VWF: variants seen among roughly 807,000 people sequenced by gnomAD.
The protein encoded by VWF is von Willebrand factor.
VWF carries 176 observed loss-of-function variants against 308.6 expected under a neutral mutation model. That is an observed-to-expected ratio of 0.57 (90% CI 0.50 to 0.65). The LOEUF (loss-of-function observed/expected upper bound fraction) is 0.65. Ranked by LOEUF, VWF falls within the 30% of genes least tolerant of loss-of-function variation. The pLI is 0.00. For missense variants in VWF, 3,146 were observed against 3,648.2 expected, an observed-to-expected ratio of 0.86 and a Z score of 3.55; for synonymous variants, 1,385 against 1,443.4, an observed-to-expected ratio of 0.96 and a Z score of 0.92.
Position 6,057,894 on chromosome 12 carries a change from G to T in VWF, c.1684C>A (p.Leu562Met), listed in dbSNP as rs1262007640. 1 of 1,612,476 alleles carries T rather than the reference G, an allele frequency of 6.2e-7. No homozygotes were observed. The highest frequency in any genetic ancestry group is 1.7e-5 in the Admixed American group (1 of 59,946). The change falls in exon 14 of 52, where the codon CTG (leucine) becomes ATG (methionine). Residue 562 changes from leucine (L) to methionine (M), a missense_variant. This residue lies in a region of VWF where 1,304 missense variants were observed against 1,353.0 expected (regional missense o/e 0.96). Transcript: ENST00000261405. Reference sequence around the variant, plus strand: ...CAGGGATCGCTGTGCTGCTTCTGCAGGTCCTGGCAGTCCCCGTGCAGCTTC... The same window carrying T: ...CAGGGATCGCTGTGCTGCTTCTGCATGTCCTGGCAGTCCCCGTGCAGCTTC... ...AWKLHGDCQD[L>M]QKQHSDPCAL...
intron 3 of VWF, among the ~76,000 whole-genome samples, chr12:6,119,635 C>T (rs919061222): frequency 6.6e-6 from 1 of 152,170 alleles, no homozygotes; most frequent in Non-Finnish European, 1.5e-5. Flanking sequence ...CACCTGAGGT[C>T]AGGAGTTCGA....
intron 16 of VWF, among the ~76,000 whole-genome samples, chr12:6,050,540 C>T (rs1944496898): frequency 6.6e-6 from 1 of 152,216 alleles, no homozygotes; most frequent in Non-Finnish European, 1.5e-5. Context: ...ACCCCTGAAC[C>T]TCATCCCAAC....
rs752384122 is a variant in VWF at position 6,018,758 on chromosome 12, C to T, written c.4660G>A (p.Glu1554Lys). 11 of 1,613,452 alleles carry T rather than the reference C, an allele frequency of 6.8e-6. No individual in the cohort carries two copies. The highest frequency in any genetic ancestry group is 5.3e-5 in the African/African-American group (4 of 74,876). ...YMVTVEYPFS[E>K]AQSKGDILQR... is the part of the protein sequence containing the mutation. ...AGGATGTCCCCTTTGGACTGTGCCT[C>T]GCTGAAGGGGTACTCCACAGTCACC... Residue 1554 changes from glutamate to lysine, a missense_variant, in exon 28 of 52, where the codon GAG (glutamate) becomes AAG (lysine). Physicochemically the swap from Glu to Lys is moderately conservative, Grantham distance 56. This residue lies in a region of VWF where 853 missense variants were observed against 1,177.8 expected (regional missense o/e 0.72). Coordinates refer to ENST00000261405, the MANE Select transcript of VWF (RefSeq NM_000552.5).
intron 31 of VWF, among the ~76,000 whole-genome samples, chr12:6,015,163 T>G (rs1314910091): frequency 2.6e-5 from 4 of 152,234 alleles, no homozygotes; most frequent in African/African-American, 7.2e-5. Flanking sequence ...CATGTCACAT[T>G]CATTCACTCA....
intron 22 of VWF, among the ~76,000 whole-genome samples, chr12:6,026,550 A>T (rs528014305): frequency 6.6e-6 from 1 of 152,206 alleles, no homozygotes; most frequent in Non-Finnish European, 1.5e-5. Flanking sequence ...TCTCTCATAA[A>T]TGTAATCAGG....
chr12:6,103,401 T>TGTGTGTATACACAC (rs1565390900), intron 5 of VWF, among the ~76,000 whole-genome samples: 6 of 110,538 alleles, frequency 5.4e-5, no homozygotes, highest in African/African-American at 4.6e-4. Flanking sequence ...TGTATACACG[T>TGTGTGTATACACAC]GTGTGTATAC....
chr12:5,991,845 T>C lies in VWF; in HGVS notation c.6772A>G (p.Ile2258Val), dbSNP rs780422165. The C allele has an allele frequency of 7.4e-6, 12 of 1,614,186 alleles. No homozygotes were observed. The highest frequency in any genetic ancestry group is 1.0e-5 in the Non-Finnish European group (12 of 1,180,042). ...CVPEEACTQC[I>V]GEDGVQHQFL... The stretch of plus-strand genomic sequence containing the variant: ...TGGTGCTGGACTCCATCCTCACCAA[T>C]GCACTGAGTGCAGGCCTCTTCAGGG... Residue 2258 changes from isoleucine to valine, a missense_variant, in exon 38 of 52, where the codon ATT (isoleucine) becomes GTT (valine). By Grantham distance (29) the Ile-to-Val change is conservative. Around this residue, in one of 3 missense-constraint regions of VWF, gnomAD observed 989 missense variants for 1,117.4 expected, o/e 0.89. Transcript: ENST00000261405.
chr12:6,049,872 C>CTTTTGAT (rs1944489170), intron 16 of VWF, among the ~76,000 whole-genome samples: 1 of 152,174 alleles, frequency 6.6e-6, no homozygotes, highest in South Asian at 2.1e-4. Context: ...TTTTTACTGG[C>CTTTTGAT]CTTTGACCTT....
At chr12:6,056,727 C>T in intron 15 of VWF, 130 bp downstream of exon 15, 1 of 802,412 alleles carries the variant, frequency 1.2e-6, no homozygotes, top group Non-Finnish European at 1.7e-6. Flanking sequence ...ACCGTCCTCC[C>T]CACCCGTGTT....
rs1944180107 is a variant in VWF, at chr12:6,025,526, C to T, written c.3222+54G>A. 3.5e-6 allele frequency: 5 copies of T among 1,427,832 alleles called. No homozygotes were observed. The South Asian group carries it at 4.7e-5, about 13-fold the overall frequency. 88.4% of individuals were successfully genotyped at this position (1,427,832 alleles called of 1,614,324 possible). On this transcript the variant is annotated intron_variant, in intron 24 of 51. Coordinates refer to ENST00000261405, the MANE Select transcript of VWF (RefSeq NM_000552.5). The stretch of plus-strand genomic sequence containing the variant: ...TAGAAGGTCACACTCTGTGTCCATA[C>T]CACCAGGCCAAGCCTTGGGACCGTC...
At position 6,075,939 on chromosome 12, in the gene VWF, T is replaced by C. The variant is rs185229399; in HGVS notation, c.658-388A>G. ...TCAGCATCGGTTCTGCACTGACCTG[T>C]TCAGCTCCCCTCCCTGACCTTGATC... On this transcript the variant is annotated intron_variant, in intron 6 of 51. Transcript: ENST00000261405. This position sits in a 1 kb window ranked among gnomAD's most constrained non-coding sequence, Gnocchi z 4.7. Among the ~76,000 whole-genome samples, 27 of 152,288 alleles carry C rather than the reference T, an allele frequency of 1.8e-4. No individual in the cohort carries two copies. Among genetic ancestry groups the C allele is most frequent in the Admixed American group, 4.6e-4 (7 of 15,294 alleles).
At chr12:6,068,830 T>TG (rs1280885022) in intron 10 of VWF, among the ~76,000 whole-genome samples, 29 of 121,976 alleles carry the variant, frequency 2.4e-4, no homozygotes, top group African/African-American at 1.1e-3. Context: ...TTTTTTTTTT[T>TG]TTTGCGTGTG....
chr12:6,097,945 C>T (rs1380408989), intron 5 of VWF, among the ~76,000 whole-genome samples: 1 of 152,182 alleles, frequency 6.6e-6, no homozygotes, highest in Non-Finnish European at 1.5e-5. Flanking sequence ...CCTCTGTGAC[C>T]CTGTGTGATC....
intron 40 of VWF, among the ~76,000 whole-genome samples, chr12:5,983,930 TAG>T (rs1943642930): frequency 6.6e-6 from 1 of 150,854 alleles, no homozygotes; most frequent in Non-Finnish European, 1.5e-5. Flanking sequence ...ATAGGTTAGA[TAG>T]AGATAGGACA....
chr12:6,081,531 A>G lies in VWF; in HGVS notation c.658-5980T>C, dbSNP rs1341587647. Among the ~76,000 whole-genome samples, 5 of 151,930 alleles carry G rather than the reference A, an allele frequency of 3.3e-5. No homozygotes were observed. In the East Asian group the frequency reaches 7.7e-4, roughly 24 times the overall value. On this transcript the variant is annotated intron_variant, in intron 6 of 51. Coordinates refer to ENST00000261405, the MANE Select transcript of VWF (RefSeq NM_000552.5). ...ATTTTTGTATTTTTAGTACAGACGG[A>G]GTTTCACCATGTTGGCCAGGATGGC... is the stretch of plus-strand genomic sequence containing the variant.
At chr12:6,034,213 T>C (rs987566576) in intron 20 of VWF, among the ~76,000 whole-genome samples, 1 of 151,914 alleles carries the variant, frequency 6.6e-6, no homozygotes, top group Non-Finnish European at 1.5e-5. Flanking sequence ...ACTCCAGGGG[T>C]CATTTCAACC....
chr12:6,037,909 C>T (rs969103259), intron 18 of VWF, among the ~76,000 whole-genome samples: 4 of 152,078 alleles, frequency 2.6e-5, no homozygotes, highest in South Asian at 2.1e-4. Flanking sequence ...TGTGTTGGGG[C>T]GGTTGGGGGG....
chr12:6,092,545 G>A (rs536845118), intron 6 of VWF, among the ~76,000 whole-genome samples: 1 of 150,388 alleles, frequency 6.6e-6, no homozygotes, highest in East Asian at 2.0e-4. Flanking sequence ...GCACGCGCGT[G>A]TGCCACCATG....
At chr12:6,120,331 T>G (rs964588971) in intron 3 of VWF, among the ~76,000 whole-genome samples, 2 of 151,974 alleles carry the variant, frequency 1.3e-5, no homozygotes, top group African/African-American at 4.8e-5. Context: ...GTGGGTTGTT[T>G]TTTTTTTTGA....
Sources: allele counts gnomAD v4.1 joint callset (sites outside exome capture counted in the v4.1 genomes callset), GRCh38; gene constraint gnomAD v4.1.1; regional missense constraint gnomAD v4.1.1; non-coding constraint Gnocchi (gnomAD v3.1); transcripts MANE v1.5; gene names NCBI Gene and HGNC (gene_info 2026-07-23, HGNC 2026-07-21).